Variants in TNFRSF9 observed in about 807,000 individuals in gnomAD.
TNFRSF9 encodes the protein tumor necrosis factor receptor superfamily member 9.
Under a neutral mutation model 28.8 loss-of-function variants are expected in TNFRSF9, and 16 were observed. That is an observed-to-expected ratio of 0.55 (90% CI 0.38 to 0.84). The LOEUF (loss-of-function observed/expected upper bound fraction) is 0.84, where lower values mean the gene tolerates loss of function less well. TNFRSF9 is among the 40% of genes least tolerant of loss of function. The pLI is 0.00. For synonymous variants in TNFRSF9, 131 were observed against 117.0 expected, an observed-to-expected ratio of 1.12 and a Z score of -0.77; for missense variants, 303 against 315.0, an observed-to-expected ratio of 0.96 and a Z score of 0.29.
intron 7 of TNFRSF9, among the ~76,000 whole-genome samples, chr1:7,929,536 A>C (rs1289437147): frequency 6.6e-6 from 1 of 152,142 alleles, no homozygotes; most frequent in Non-Finnish European, 1.5e-5. Context: ...TTCCCACTGC[A>C]ATGCTACTCC....
At position 7,917,664 on chromosome 1, in the gene TNFRSF9, C is replaced by G. The variant is rs1203684286; in HGVS notation, c.*3171G>C. The G allele has an allele frequency of 6.6e-6, 1 of 152,044 alleles. No homozygotes were observed. Among genetic ancestry groups the G allele is most frequent in the Non-Finnish European group, 1.5e-5 (1 of 68,014 alleles). The allele number at this position is 152,044 out of a possible 1,614,324, so 9.4% of individuals were successfully genotyped here. A position where few individuals can be genotyped will look rare whatever the true frequency, so the allele number is the denominator to read the frequency against. On this transcript the variant is annotated 3_prime_UTR_variant, in exon 8 of 8. Transcript: ENST00000377507. ...TTAGCCAGGCAAGAAAAAATGTTAA[C>G]CATATGAGAAAACAGTTATAAATTT...
chr1:7,938,367 C>A (rs927133186), intron 3 of TNFRSF9, 37 bp from the exon 4 acceptor site: 2 of 1,540,304 alleles, frequency 1.3e-6, no homozygotes, highest in Admixed American at 4.1e-5. Flanking sequence ...TTTTATTACA[C>A]TTGACCTCCA....
At chr1:7,925,764 A>G (rs1639642503) in intron 7 of TNFRSF9, among the ~76,000 whole-genome samples, 1 of 152,100 alleles carries the variant, frequency 6.6e-6, no homozygotes, top group Admixed American at 6.6e-5. Context: ...CGCAGTTCAC[A>G]ATAGGATTCA....
intron 7 of TNFRSF9, among the ~76,000 whole-genome samples, chr1:7,931,413 C>T (rs1639729331): frequency 6.6e-6 from 1 of 152,180 alleles, no homozygotes; most frequent in Admixed American, 6.6e-5. Context: ...ACAATGATGT[C>T]ATCATTCAAC....
At chr1:7,924,294 C>CATATGTGTATATATATAT (rs1238435280) in intron 7 of TNFRSF9, among the ~76,000 whole-genome samples, 1 of 129,996 alleles carries the variant, frequency 7.7e-6, no homozygotes, top group African/African-American at 2.9e-5. Flanking sequence ...TAGTATATTC[C>CATATGTGTATATATATAT]ATATATATAT....
chr1:7,939,798 T>C (rs996929613), intron 2 of TNFRSF9, 97 bp downstream of exon 2: 6 of 853,760 alleles, frequency 7.0e-6, no homozygotes, highest in Non-Finnish European at 1.1e-5. Context: ...TTCATTTTCC[T>C]TTCCTTAAAA....
At chr1:7,924,725 T>A (rs1639614562) in intron 7 of TNFRSF9, among the ~76,000 whole-genome samples, 1 of 152,148 alleles carries the variant, frequency 6.6e-6, no homozygotes, top group Non-Finnish European at 1.5e-5. Context: ...AAGACATTGT[T>A]CTCATAGGAG....
At chr1:7,939,319 CAAAA>C (rs34622301) in intron 2 of TNFRSF9, among the ~76,000 whole-genome samples, 1 of 103,972 alleles carries the variant, frequency 9.6e-6, no homozygotes, top group Non-Finnish European at 2.0e-5. Context: ...GACTGTGTCT[CAAAA>C]AAAAAAAAAA....
rs149706948 is a variant in TNFRSF9, at chr1:7,932,393, A to T, written c.679+769T>A. The stretch of plus-strand genomic sequence containing the variant: ...AATATCAATGGCTTTTGTCTAGTGG[A>T]TGCTGACTCAGTGCCAGGCACTTGC... On this transcript the variant is annotated intron_variant, in intron 7 of 7. Transcript: ENST00000377507. 3.1e-3 allele frequency among the ~76,000 whole-genome samples: 479 copies of T among 152,324 alleles called. 1 individual carries two copies. The highest frequency in any genetic ancestry group is 0.011 in the African/African-American group (452 of 41,576).
In TNFRSF9 at chr1:7,919,559, G is replaced by C. The variant is rs1014436957; in HGVS notation, c.*1276C>G. On this transcript the variant is annotated 3_prime_UTR_variant, in exon 8 of 8. Transcript: ENST00000377507. ...TCCTTAGATCATAAGCCAAACAATGGCAGGCATGCCAGGTTTGCACCTGTA... is the reference window on the plus strand; with the variant it reads ...TCCTTAGATCATAAGCCAAACAATGCCAGGCATGCCAGGTTTGCACCTGTA... 1 of 152,212 alleles carries C rather than the reference G, an allele frequency of 6.6e-6. No homozygotes were observed. Among genetic ancestry groups the C allele is most frequent in the Non-Finnish European group, 1.5e-5 (1 of 68,054 alleles). The allele number at this position is 152,212 out of a possible 1,614,324, so 9.4% of individuals were successfully genotyped here.
rs554909019 is a variant in TNFRSF9, at chr1:7,920,872, C to T, written c.731G>A (p.Arg244Gln). Residue 244 changes from arginine (R) to glutamine (Q), a missense_variant, in exon 8 of 8, where the codon CGA becomes CAA. Physicochemically the swap from Arg to Gln is conservative, Grantham distance 43. Coordinates refer to ENST00000377507, the MANE Select transcript of TNFRSF9 (RefSeq NM_001561.6). ...TCCTCCTTCTTCTTCTTCTGGAAATCGGCAGCTACAGCCATCTTCCTCTTG... is the reference window on the plus strand; with the variant it reads ...TCCTCCTTCTTCTTCTTCTGGAAATTGGCAGCTACAGCCATCTTCCTCTTG... ...TTQEEDGCSC[R>Q]FPEEEEGGCE... 38 of 1,613,898 alleles carry T rather than the reference C, an allele frequency of 2.4e-5. No homozygotes were observed. The East Asian group carries it at 5.3e-4, about 23-fold the overall frequency.
In TNFRSF9 at chr1:7,938,963, T is replaced by C; in HGVS notation, c.101-135A>G. 8 of 574,906 alleles carry C rather than the reference T, an allele frequency of 1.4e-5. No homozygotes were observed. The South Asian group carries it at 1.7e-4, about 12-fold the overall frequency. 35.6% of individuals were successfully genotyped at this position (574,906 alleles called of 1,614,324 possible). On this transcript the variant is annotated intron_variant, in intron 2 of 7. Transcript: ENST00000377507. ...GATGCCACAGTGGTGGACATTAGTT[T>C]GATTGACTTCCTAAAACAATACATT...
intron 7 of TNFRSF9, among the ~76,000 whole-genome samples, chr1:7,928,930 CAAAA>C (rs1451894402): frequency 1.3e-5 from 2 of 151,846 alleles, no homozygotes; most frequent in Non-Finnish European, 1.5e-5. Flanking sequence ...AACAAACAAA[CAAAA>C]ACCCTGACAA....
At position 7,919,400 on chromosome 1, in the gene TNFRSF9, T is replaced by A. The variant is rs933840788; in HGVS notation, c.*1435A>T. On this transcript the variant is annotated 3_prime_UTR_variant, in exon 8 of 8. Coordinates refer to ENST00000377507, the MANE Select transcript of TNFRSF9 (RefSeq NM_001561.6). ...GCACATACCTGTAGTCCCAGCTACTTAGGAGGCTGAGGCAGGGAGATCACT... is the reference window on the plus strand; with the variant it reads ...GCACATACCTGTAGTCCCAGCTACTAAGGAGGCTGAGGCAGGGAGATCACT... 2.6e-5 allele frequency: 4 copies of A among 152,078 alleles called. No individual in the cohort carries two copies. Among genetic ancestry groups the A allele is most frequent in the African/African-American group, 9.7e-5 (4 of 41,388 alleles). The allele number at this position is 152,078 out of a possible 1,614,324, so 9.4% of individuals were successfully genotyped here.
rs886319370 is a variant in TNFRSF9, at chr1:7,916,237, A to T, written c.*4598T>A. ...TGCTAATTTATTTTTAATCATAGAA[A>T]TTTACATTTATTTCTATTAAACCTA... is the stretch of plus-strand genomic sequence containing the variant. On this transcript the variant is annotated 3_prime_UTR_variant, in exon 8 of 8. Transcript: ENST00000377507. 9.2e-5 allele frequency: 14 copies of T among 152,222 alleles called. No homozygotes were observed. The highest frequency in any genetic ancestry group is 3.4e-4 in the African/African-American group (14 of 41,460). 9.4% of individuals were successfully genotyped at this position (152,222 alleles called of 1,614,324 possible).
At chr1:7,930,455 G>T (rs1639718304) in intron 7 of TNFRSF9, among the ~76,000 whole-genome samples, 1 of 152,098 alleles carries the variant, frequency 6.6e-6, no homozygotes, top group Non-Finnish European at 1.5e-5. Context: ...TGCAGTCTGG[G>T]GTGTGGATGG....
chr1:7,938,727 A>C lies in TNFRSF9; in HGVS notation c.202T>G (p.Cys68Gly). 1.2e-6 allele frequency: 2 copies of C among 1,610,452 alleles called. No homozygotes were observed. The change falls in exon 3 of 8, where the codon TGT becomes GGT. Residue 68 changes from cysteine (C) to glycine (G), a missense_variant. Coordinates refer to ENST00000377507, the MANE Select transcript of TNFRSF9 (RefSeq NM_001561.6). Reference protein sequence around the residue: ...GQRTCDICRQCKGVFRTRKEC... With the variant: ...GQRTCDICRQGKGVFRTRKEC... ...AATATCTTTGAACTCATACCTTTAC[A>C]CTGCCTGCATATGTCACAGGTCCTT...
Position 7,939,886 on chromosome 1 carries a change from G to A in TNFRSF9, c.100+9C>T, listed in dbSNP as rs2151420690. On this transcript the variant is annotated intron_variant, in intron 2 of 7. Transcript: ENST00000377507. ...GCAGATCAAATGCACATGATAACTGGGTACTCACCAGCTGGGCAGTTACTA... is the reference window on the plus strand; with the variant it reads ...GCAGATCAAATGCACATGATAACTGAGTACTCACCAGCTGGGCAGTTACTA... 1.3e-6 allele frequency: 2 copies of A among 1,587,122 alleles called. No individual in the cohort carries two copies. The highest frequency in any genetic ancestry group is 2.3e-5 in the East Asian group (1 of 44,156).
Position 7,937,686 on chromosome 1 carries a change from G to C in TNFRSF9, c.413+4C>G. 13 of 1,610,854 alleles carry C rather than the reference G, an allele frequency of 8.1e-6. No individual in the cohort carries two copies. Among genetic ancestry groups the C allele is most frequent in the Non-Finnish European group, 1.1e-5 (13 of 1,177,404 alleles). Reference sequence around the variant, plus strand: ...TTCCATAAACTAAAGGAAATTATACGTACTTTGTCCAGGGTCGACAGATGC... The same window carrying C: ...TTCCATAAACTAAAGGAAATTATACCTACTTTGTCCAGGGTCGACAGATGC... On this transcript the variant is annotated splice_donor_region_variant and intron_variant, in intron 5 of 7. Coordinates refer to ENST00000377507, the MANE Select transcript of TNFRSF9 (RefSeq NM_001561.6).
Sources: allele counts gnomAD v4.1 joint callset (sites outside exome capture counted in the v4.1 genomes callset), GRCh38; gene constraint gnomAD v4.1.1; transcripts MANE v1.5; gene names NCBI Gene and HGNC (gene_info 2026-07-23, HGNC 2026-07-21).